The following SLC9A9 variants were observed in gnomAD, a reference collection of about 807,000 sequenced individuals.
SLC9A9 encodes the protein sodium/hydrogen exchanger 9.
SLC9A9 carries 62 observed loss-of-function variants against 77.8 expected under a neutral mutation model. That is an observed-to-expected ratio of 0.80 (90% confidence interval 0.65 to 0.98). The LOEUF (loss-of-function observed/expected upper bound fraction) is 0.98. Among genes scored for constraint, SLC9A9 ranks in the 50% least tolerant of loss-of-function variants. The pLI is 0.00. For missense variants in SLC9A9, 775 were observed against 774.9 expected (o/e 1.00, Z 0.00); for synonymous variants, 320 against 283.5 (o/e 1.13, Z -1.29).
intron 6 of SLC9A9, among the ~76,000 whole-genome samples, chr3:143,599,250 GA>G (rs898790116): frequency 1.3e-5 from 2 of 152,148 alleles, no homozygotes; most frequent in African/African-American, 4.8e-5. Context: ...TTATGTTTCT[GA>G]ATTTCTTTAT....
intron 9 of SLC9A9, among the ~76,000 whole-genome samples, chr3:143,524,487 C>T (rs1455757887): frequency 2.0e-5 from 3 of 152,128 alleles, no homozygotes; most frequent in Non-Finnish European, 2.9e-5. Context: ...GCCGTGACTA[C>T]ATTTTCTTTT....
chr3:143,652,142 A>G, intron 6 of SLC9A9, 113 bp downstream of exon 6: 1 of 851,186 alleles, frequency 1.2e-6, no homozygotes, highest in Non-Finnish European at 1.9e-6. Flanking sequence ...TGTGATAACA[A>G]TTCCTTGAAA....
chr3:143,747,158 C>T (rs2108821232), intron 4 of SLC9A9, among the ~76,000 whole-genome samples: 1 of 152,240 alleles, frequency 6.6e-6, no homozygotes, highest in Admixed American at 6.5e-5. Flanking sequence ...GCAATCCCAG[C>T]ACTTTGGGAG....
At chr3:143,462,455 A>T (rs1559926995) in intron 12 of SLC9A9, among the ~76,000 whole-genome samples, 1 of 152,176 alleles carries the variant, frequency 6.6e-6, no homozygotes, top group African/African-American at 2.4e-5. Flanking sequence ...ATGCTAACAA[A>T]TTTTTTTACT....
intron 12 of SLC9A9, among the ~76,000 whole-genome samples, chr3:143,392,725 G>A (rs190285778): frequency 1.5e-3 from 221 of 152,184 alleles, no homozygotes; most frequent in Middle Eastern, 3.4e-3. Context: ...GCAGAGACAC[G>A]CACAGGCTCA....
At chr3:143,811,174 T>C (rs1420530821) in intron 2 of SLC9A9, among the ~76,000 whole-genome samples, 1 of 151,998 alleles carries the variant, frequency 6.6e-6, no homozygotes, top group Non-Finnish European at 1.5e-5. Flanking sequence ...AATGCAGATA[T>C]ATGAAAAAGT....
chr3:143,374,617 A>G (rs766190596), intron 13 of SLC9A9, among the ~76,000 whole-genome samples: 2 of 151,776 alleles, frequency 1.3e-5, no homozygotes, highest in African/African-American at 2.4e-5. Context: ...TTTATGTTAA[A>G]TTTTTAAATT....
intron 6 of SLC9A9, among the ~76,000 whole-genome samples, chr3:143,638,040 A>G (rs75486175): frequency 0.014 from 2,068 of 152,348 alleles, 47 homozygotes; most frequent in African/African-American, 0.047. Context: ...TAAGAACAAT[A>G]AACAATATCT....
chr3:143,503,700 G>A (rs185577924), intron 9 of SLC9A9: 56 of 382,894 alleles, frequency 1.5e-4, no homozygotes, highest in East Asian at 1.1e-3. Context: ...ATGGTCTCCC[G>A]GAGCGGCCAC....
At chr3:143,382,859 T>G (rs2033338377) in intron 12 of SLC9A9, among the ~76,000 whole-genome samples, 1 of 152,230 alleles carries the variant, frequency 6.6e-6, no homozygotes, top group South Asian at 2.1e-4. Flanking sequence ...ATAATGATTT[T>G]GTATTAGAGA....
At chr3:143,625,971 T>G (rs1454765549) in intron 6 of SLC9A9, among the ~76,000 whole-genome samples, 2 of 152,162 alleles carry the variant, frequency 1.3e-5, no homozygotes, top group Non-Finnish European at 2.9e-5. Context: ...GAACAGACAC[T>G]TCTCAAAAGA....
intron 9 of SLC9A9, among the ~76,000 whole-genome samples, chr3:143,545,854 C>T (rs2036780433): frequency 6.6e-6 from 1 of 152,194 alleles, no homozygotes; most frequent in African/African-American, 2.4e-5. Flanking sequence ...CTAATTCCTC[C>T]TCTCATCTGT....
intron 6 of SLC9A9, among the ~76,000 whole-genome samples, chr3:143,604,125 G>A (rs569240483): frequency 6.6e-6 from 1 of 152,068 alleles, no homozygotes; most frequent in African/African-American, 2.4e-5. Context: ...ATAAAATTTA[G>A]TTCTAAATTA....
intron 14 of SLC9A9, among the ~76,000 whole-genome samples, chr3:143,320,577 T>C (rs1163254723): frequency 6.6e-6 from 1 of 152,104 alleles, no homozygotes; most frequent in Non-Finnish European, 1.5e-5. Flanking sequence ...GGTGCCACAC[T>C]CTTTTAAATA....
At chr3:143,560,014 C>A (rs1480575130) in intron 8 of SLC9A9, among the ~76,000 whole-genome samples, 1 of 152,208 alleles carries the variant, frequency 6.6e-6, no homozygotes, top group African/African-American at 2.4e-5. Context: ...GCTTAATTTA[C>A]AGCTTATATC....
At chr3:143,492,545 C>T (rs2035766275) in intron 11 of SLC9A9, among the ~76,000 whole-genome samples, 1 of 152,158 alleles carries the variant, frequency 6.6e-6, no homozygotes, top group Non-Finnish European at 1.5e-5. Context: ...TTACTGCTTT[C>T]AGAAATGTGG....
rs183318934 is a variant in SLC9A9, at chr3:143,529,726, A to G, written c.1089+22636T>C. 3.1e-3 allele frequency among the ~76,000 whole-genome samples: 478 copies of G among 152,320 alleles called. 9 individuals carry two copies. The highest frequency in any genetic ancestry group is 2.4e-3 in the Admixed American group (37 of 15,302). On this transcript the variant is annotated intron_variant, in intron 9 of 15. Coordinates refer to ENST00000316549, the MANE Select transcript of SLC9A9 (RefSeq NM_173653.4). Reference sequence around the variant, plus strand: ...TGTTAAATGTTTTACATTTATATAAATGTATATAGTACTTATTCATATTTT... The same window carrying G: ...TGTTAAATGTTTTACATTTATATAAGTGTATATAGTACTTATTCATATTTT...
intron 8 of SLC9A9, among the ~76,000 whole-genome samples, chr3:143,565,218 T>C (rs1246921444): frequency 6.6e-6 from 1 of 152,140 alleles, no homozygotes; most frequent in Non-Finnish European, 1.5e-5. Flanking sequence ...TTCACTCACT[T>C]GTATTCTCCA....
intron 14 of SLC9A9, among the ~76,000 whole-genome samples, chr3:143,301,435 G>GGCCTTGCAGGATT (rs2030510180): frequency 2.6e-5 from 4 of 152,168 alleles, no homozygotes. Flanking sequence ...CATGAAGATT[G>GGCCTTGCAGGATT]GCCTTGCAGG....
Sources: gnomAD v4.1 joint callset for allele counts (sites outside exome capture counted in the v4.1 genomes callset) on GRCh38, gnomAD v4.1.1 for gene constraint, MANE v1.5 for transcripts, NCBI Gene and HGNC (gene_info 2026-07-23, HGNC 2026-07-21) for gene names.